Variants in ZFR2 observed in about 807,000 individuals in gnomAD.
The protein encoded by ZFR2 is zinc finger RNA binding protein 2.
Under a neutral mutation model 105.7 loss-of-function variants are expected in ZFR2, and 104 were observed. The ratio of observed to expected loss-of-function variants is 0.98; its 90% confidence interval spans 0.84 to 1.16. The LOEUF (loss-of-function observed/expected upper bound fraction) is 1.16, where lower values mean the gene tolerates loss of function less well. Ranked by LOEUF, ZFR2 falls within the 50% of genes most tolerant of loss-of-function variation. ZFR2 has a pLI of 0.00. For synonymous variants in ZFR2, 634 were observed against 597.7 expected, an observed-to-expected ratio of 1.06 and a Z score of -0.89; for missense variants, 1,425 against 1,355.5, an observed-to-expected ratio of 1.05 and a Z score of -0.80.
At chr19:3,852,300 G>A in intron 1 of ZFR2, 1 of 616,142 alleles carries the variant, frequency 1.6e-6, no homozygotes, top group Non-Finnish European at 2.9e-6. Context: ...GTGGGGTTCA[G>A]CTGGGTGGCA....
At chr19:3,844,402 CTG>C (rs1212718391) in intron 1 of ZFR2, among the ~76,000 whole-genome samples, 1 of 151,616 alleles carries the variant, frequency 6.6e-6, no homozygotes, top group Non-Finnish European at 1.5e-5. Context: ...GAATCTTGCT[CTG>C]TCACCCACAC....
In ZFR2 at chr19:3,823,230, G is replaced by A; in HGVS notation, c.1371+16C>T. ...TTCCCTGACCGGGGCACCAGGACTT[G>A]ACAGCCTCGACTTACCTCCTCCACA... On this transcript the variant is annotated intron_variant, in intron 8 of 18. Transcript: ENST00000262961. The surrounding 1 kb of genome is among the most constrained non-coding windows in gnomAD (Gnocchi z 5.4). 1 of 1,613,860 alleles carries A rather than the reference G, an allele frequency of 6.2e-7. No homozygotes were observed. Among genetic ancestry groups the A allele is most frequent in the South Asian group, 1.1e-5 (1 of 91,070 alleles).
intron 1 of ZFR2, among the ~76,000 whole-genome samples, chr19:3,839,472 G>C (rs2072572895): frequency 6.8e-6 from 1 of 146,540 alleles, no homozygotes; most frequent in African/African-American, 2.6e-5. Flanking sequence ...GGCGGAGGCG[G>C]AGGCTGCAGT....
chr19:3,847,925 C>T (rs377630078), intron 1 of ZFR2, among the ~76,000 whole-genome samples: 3 of 152,304 alleles, frequency 2.0e-5, no homozygotes, highest in African/African-American at 7.2e-5. Context: ...GGAGTCCAAA[C>T]CAAGCTGGCC....
Position 3,831,410 on chromosome 19 carries a change from C to T in ZFR2, c.745G>A (p.Asp249Asn), listed in dbSNP as rs755776377. ...PAGSGSSPRADSKPPLPSKLP... is the reference protein window; with the variant it reads ...PAGSGSSPRANSKPPLPSKLP... ...TTGCTGGGAAGCGGTGGCTTCGAGT[C>T]GGCCCTGGGGCTGCTTCCTGAGCCT... is the stretch of plus-strand genomic sequence containing the variant. Residue 249 changes from aspartate to asparagine, a missense_variant, in exon 5 of 19, where the codon GAC becomes AAC. Physicochemically the swap from Asp to Asn is conservative, Grantham distance 23. Transcript: ENST00000262961. 3.9e-5 allele frequency: 61 copies of T among 1,555,118 alleles called. No homozygotes were observed. The highest frequency in any genetic ancestry group is 1.5e-4 in the South Asian group (13 of 84,434).
Position 3,839,526 on chromosome 19 carries a change from G to A in ZFR2, c.54-4543C>T, listed in dbSNP as rs566692825. Among the ~76,000 whole-genome samples, 10 of 119,278 alleles carry A rather than the reference G, an allele frequency of 8.4e-5. No homozygotes were observed. The East Asian group carries it at 1.4e-3, about 17-fold the overall frequency. 78.3% of individuals were successfully genotyped at this position (119,278 alleles called of 152,430 possible). ...TCCACTCCAGCCTGGGTGACAGAGCGGGATTCTGTCAAAAAAAAAAAAAAA... is the reference window on the plus strand; with the variant it reads ...TCCACTCCAGCCTGGGTGACAGAGCAGGATTCTGTCAAAAAAAAAAAAAAA... On this transcript the variant is annotated intron_variant, in intron 1 of 18. Coordinates refer to ENST00000262961, the MANE Select transcript of ZFR2 (RefSeq NM_015174.2).
rs950586194 is a variant in ZFR2, at chr19:3,813,063, G to C, written c.2242+757C>G. Reference sequence around the variant, plus strand: ...CCATTGCACTCCAGCCTGGGCAACAGAGCGAGACTCTGTCTCAAAAAACAA... The same window carrying C: ...CCATTGCACTCCAGCCTGGGCAACACAGCGAGACTCTGTCTCAAAAAACAA... On this transcript the variant is annotated intron_variant, in intron 14 of 18. Coordinates refer to ENST00000262961, the MANE Select transcript of ZFR2 (RefSeq NM_015174.2). The surrounding 1 kb of genome is among the most constrained non-coding windows in gnomAD (Gnocchi z 4.4). Among the ~76,000 whole-genome samples, 1 of 152,178 alleles carries C rather than the reference G, an allele frequency of 6.6e-6. No individual in the cohort carries two copies. The highest frequency in any genetic ancestry group is 2.4e-5 in the African/African-American group (1 of 41,436).
At chr19:3,851,922 T>C (rs753070296) in intron 1 of ZFR2, 4 of 182,322 alleles carry the variant, frequency 2.2e-5, no homozygotes, top group Non-Finnish European at 3.5e-5. Context: ...ACAGACATGG[T>C]GTGGCTCACA....
intron 14 of ZFR2, among the ~76,000 whole-genome samples, chr19:3,812,954 A>G (rs961972889): frequency 6.6e-6 from 1 of 152,014 alleles, no homozygotes; most frequent in Non-Finnish European, 1.5e-5. Flanking sequence ...AGTGGCGCAC[A>G]CCTGTAGTCC....
chr19:3,820,188 TG>T lies in ZFR2; in HGVS notation c.1733del (p.Pro578HisfsTer76). On this transcript the variant is annotated frameshift_variant, in exon 11 of 19. Coordinates refer to ENST00000262961, the MANE Select transcript of ZFR2 (RefSeq NM_015174.2). LOFTEE classifies it high-confidence loss of function. ...MGRPESPASA[P>X]LQPGRRPASS... ...CAGAGGAAACTGTACCTACCTGGAG[TG>T]GGGCGCTGGCGGGTGACTCCGGCCT... 1 of 1,551,788 alleles carries T rather than the reference TG, an allele frequency of 6.4e-7. No homozygotes were observed. The highest frequency in any genetic ancestry group is 8.7e-7 in the Non-Finnish European group (1 of 1,147,512).
intron 1 of ZFR2, among the ~76,000 whole-genome samples, chr19:3,848,980 C>T (rs1414524051): frequency 1.3e-5 from 2 of 151,374 alleles, no homozygotes; most frequent in African/African-American, 4.9e-5. Context: ...GACAACAAAG[C>T]GAGACTCCGT....
intron 3 of ZFR2, among the ~76,000 whole-genome samples, chr19:3,832,440 G>A (rs968723932): frequency 1.3e-5 from 2 of 151,440 alleles, no homozygotes; most frequent in Admixed American, 1.3e-4. Flanking sequence ...TCCTGCCTCA[G>A]CCTCCCGAAT....
At chr19:3,810,592 G>A (rs947024651) in intron 16 of ZFR2, among the ~76,000 whole-genome samples, 158 bp downstream of exon 16, 17 of 152,374 alleles carry the variant, frequency 1.1e-4, no homozygotes, top group Admixed American at 5.2e-4. Context: ...CGTCTCCCCC[G>A]CAAGGGGACC....
At chr19:3,843,588 T>C (rs936210954) in intron 1 of ZFR2, among the ~76,000 whole-genome samples, 1 of 151,436 alleles carries the variant, frequency 6.6e-6, no homozygotes, top group Non-Finnish European at 1.5e-5. Context: ...ATCCCAGCAC[T>C]TTGGGAGGCC....
At position 3,858,612 on chromosome 19, in the gene ZFR2, G is replaced by A. The variant is rs1445640575; in HGVS notation, c.53+10353C>T. ...GCAGGCGGATCACCTGAGGTCAGGA[G>A]TTCAAGACCAGCCTGGACAACATGG... On this transcript the variant is annotated intron_variant, in intron 1 of 18. Coordinates refer to ENST00000262961, the MANE Select transcript of ZFR2 (RefSeq NM_015174.2). This position sits in a 1 kb window ranked among gnomAD's most constrained non-coding sequence, Gnocchi z 4.3. Among the ~76,000 whole-genome samples, 1 of 152,220 alleles carries A rather than the reference G, an allele frequency of 6.6e-6. No homozygotes were observed. The highest frequency in any genetic ancestry group is 1.5e-5 in the Non-Finnish European group (1 of 68,050).
intron 1 of ZFR2, chr19:3,856,933 T>G (rs1416401472): frequency 6.6e-6 from 1 of 152,158 alleles, no homozygotes; most frequent in Non-Finnish European, 1.5e-5. Context: ...TTTCACCATG[T>G]TGGCCAGGCT....
At chr19:3,836,266 G>T (rs1190431565) in intron 1 of ZFR2, among the ~76,000 whole-genome samples, 1 of 152,040 alleles carries the variant, frequency 6.6e-6, no homozygotes, top group Non-Finnish European at 1.5e-5. Flanking sequence ...ACCCTTGGCT[G>T]GTTGAATCCA....
Position 3,811,371 on chromosome 19 carries a change from T to C in ZFR2, c.2243-5A>G. 3 of 1,582,614 alleles carry C rather than the reference T, an allele frequency of 1.9e-6. No individual in the cohort carries two copies. Among genetic ancestry groups the C allele is most frequent in the East Asian group, 2.3e-5 (1 of 43,130 alleles). ...CAGCCTGAGGCTCCTCCACACCTTC[T>C]AGAAGAAAAACCTCGAGGTGTGCGG... On this transcript the variant is annotated splice_region_variant and splice_polypyrimidine_tract_variant and intron_variant, in intron 14 of 18. Coordinates refer to ENST00000262961, the MANE Select transcript of ZFR2 (RefSeq NM_015174.2).
rs534021293 is a variant in ZFR2 at position 3,820,766 on chromosome 19, G to C, written c.1632-476C>G. Among the ~76,000 whole-genome samples the C allele has an allele frequency of 2.6e-5, 4 of 151,122 alleles. No individual in the cohort carries two copies. The East Asian group carries it at 8.1e-4, about 31-fold the overall frequency. ...GTCAGGAGACACAGGAACACCAGGG[G>C]ACAGAGGGACACCAGGGGTCAGGGG... On this transcript the variant is annotated intron_variant, in intron 10 of 18. Transcript: ENST00000262961.
Sources: allele counts gnomAD v4.1 joint callset (sites outside exome capture counted in the v4.1 genomes callset), GRCh38; gene constraint gnomAD v4.1.1; non-coding constraint Gnocchi (gnomAD v3.1); transcripts MANE v1.5; gene names NCBI Gene and HGNC (gene_info 2026-07-23, HGNC 2026-07-21).